NLRP5: variants seen among roughly 807,000 people sequenced by gnomAD.
NLRP5 encodes the protein NLR family pyrin domain containing 5, also known as NACHT, LRR and PYD domains-containing protein 5.
NLRP5 carries 93 observed loss-of-function variants against 113.1 expected under a neutral mutation model. The ratio of observed to expected loss-of-function variants is 0.82; its 90% CI spans 0.70 to 0.98. The LOEUF (loss-of-function observed/expected upper bound fraction) is 0.98. Among genes scored for constraint, NLRP5 ranks in the 50% least tolerant of loss-of-function variants. The pLI is 0.00. For missense variants in NLRP5, 1,808 were observed against 1,514.3 expected (o/e 1.19, Z -3.22); for synonymous variants, 751 against 600.7 (o/e 1.25, Z -3.66).
chr19:56,050,924 C>T (rs533154979), intron 12 of NLRP5, among the ~76,000 whole-genome samples: 1 of 152,132 alleles, frequency 6.6e-6, no homozygotes, highest in South Asian at 2.1e-4. Context: ...AATCTCTTTC[C>T]CTCTGGGGCT....
the NLRP5 span, chr19:55,987,738 C>A: frequency 1.8e-6 from 2 of 1,096,882 alleles, no homozygotes; most frequent in Non-Finnish European, 2.8e-6. Context: ...AGCATAGAGA[C>A]AAAATGCAAG....
chr19:56,001,191 GATGC>G (rs1431944864), intron 1 of NLRP5, among the ~76,000 whole-genome samples: 2 of 147,570 alleles, frequency 1.4e-5, no homozygotes, highest in East Asian at 4.0e-4. Context: ...CTGGTGCAGT[GATGC>G]AAGCCTGTGG....
At chr19:56,041,145 G>A (rs2123323685) in intron 11 of NLRP5, 53 bp downstream of exon 11, 4 of 1,572,948 alleles carry the variant, frequency 2.5e-6, no homozygotes, top group Non-Finnish European at 3.5e-6. Context: ...AACATAGCAT[G>A]GTGTAGCTCT....
intron 12 of NLRP5, among the ~76,000 whole-genome samples, chr19:56,052,469 C>T (rs1983968291): frequency 1.3e-5 from 2 of 152,088 alleles, no homozygotes; most frequent in East Asian, 3.9e-4. Context: ...GGGGTTTCAC[C>T]ATGTTGGTCA....
chr19:56,027,871 T>C lies in NLRP5; in HGVS notation c.1638T>C (p.Phe546=). 6.2e-7 allele frequency: 1 copy of C among 1,613,950 alleles called. No homozygotes were observed. Among genetic ancestry groups the C allele is most frequent in the Non-Finnish European group, 8.5e-7 (1 of 1,179,848 alleles). ...GAGTGTGGAATAGGAAGTCAGTGTT[T>C]GACGGTGACGACCTCATGGTTCAAG... Residue 546 remains phenylalanine, a synonymous_variant, in exon 7 of 15, where the codon TTT becomes TTC. Coordinates refer to ENST00000390649, the MANE Select transcript of NLRP5 (RefSeq NM_153447.4).
rs376736571 is a variant in NLRP5 at position 56,057,314 on chromosome 19, C to T, written c.3300-926C>T. ...CCAGCGTGCTCCCTTCAAAATAGAA[C>T]ACGCCTATAAAATGCCATTATTATA... On this transcript the variant is annotated intron_variant, in intron 13 of 14. Transcript: ENST00000390649. 4.7e-4 allele frequency among the ~76,000 whole-genome samples: 71 copies of T among 152,310 alleles called. 1 individual carries two copies. The East Asian group carries it at 9.8e-3, about 21-fold the overall frequency.
At chr19:56,057,404 A>T (rs1984196114) in intron 13 of NLRP5, among the ~76,000 whole-genome samples, 1 of 152,160 alleles carries the variant, frequency 6.6e-6, no homozygotes, top group East Asian at 1.9e-4. Flanking sequence ...AGTATGACCT[A>T]GGTGCCCAGC....
At chr19:56,018,029 T>C (rs990090425) in intron 4 of NLRP5, among the ~76,000 whole-genome samples, 1 of 152,172 alleles carries the variant, frequency 6.6e-6, no homozygotes, top group African/African-American at 2.4e-5. Flanking sequence ...ATATGACCCA[T>C]TTTTACACAG....
intron 13 of NLRP5, among the ~76,000 whole-genome samples, chr19:56,054,641 G>A (rs1307447528): frequency 6.6e-6 from 1 of 150,948 alleles, no homozygotes; most frequent in Non-Finnish European, 1.5e-5. Context: ...CTGAGTGAAA[G>A]AAGCCAGCCA....
At chr19:56,036,395 G>T (rs1053697561) in intron 9 of NLRP5, among the ~76,000 whole-genome samples, 1 of 151,938 alleles carries the variant, frequency 6.6e-6, no homozygotes, top group Non-Finnish European at 1.5e-5. Context: ...AACGACAGAT[G>T]CTTGATTCTG....
Position 56,026,998 on chromosome 19 carries a change from CACT to C in NLRP5, c.766_768del (p.Thr256del). 6.4e-7 allele frequency: 1 copy of C among 1,551,792 alleles called. No individual in the cohort carries two copies. Among genetic ancestry groups the C allele is most frequent in the Non-Finnish European group, 8.7e-7 (1 of 1,147,024 alleles). The stretch of plus-strand genomic sequence containing the variant: ...AGGATGTACGTCGTAGTTTTGAAAA[CACT>C]GCTGCTGACTGGCCGGAAATGCAAA... On this transcript the variant is annotated inframe_deletion, in exon 7 of 15. Transcript: ENST00000390649.
At chr19:55,993,942 T>G in the NLRP5 span, among the ~76,000 whole-genome samples, 2 of 151,918 alleles carry the variant, frequency 1.3e-5, no homozygotes, top group African/African-American at 2.4e-5. Context: ...AGTGGGGTGG[T>G]AAACATGAGA....
At chr19:56,010,234 G>C (rs757070789) in intron 3 of NLRP5, among the ~76,000 whole-genome samples, 1 of 152,132 alleles carries the variant, frequency 6.6e-6, no homozygotes, top group East Asian at 1.9e-4. Context: ...ACTGGCTGTC[G>C]TTAGTCATGC....
At position 56,028,262 on chromosome 19, in the gene NLRP5, A is replaced by G. The variant is rs534026942; in HGVS notation, c.2029A>G (p.Asn677Asp). The G allele has an allele frequency of 2.5e-6, 4 of 1,613,920 alleles. No individual in the cohort carries two copies. The highest frequency in any genetic ancestry group is 2.2e-5 in the East Asian group (1 of 44,876). The stretch of plus-strand genomic sequence containing the variant: ...GGTCTCTCTGTTGGGTCAGCAGCCT[A>G]ATGCCACCACCCCAGGAGACACCCT... Residue 677 changes from asparagine to aspartate, a missense_variant, in exon 7 of 15, where the codon AAT becomes GAT. By Grantham distance (23) the Asn-to-Asp change is conservative. Transcript: ENST00000390649.
At position 56,032,731 on chromosome 19, in the gene NLRP5, G is replaced by C; in HGVS notation, c.2397G>C (p.Lys799Asn). The C allele has an allele frequency of 6.2e-7, 1 of 1,613,000 alleles. No homozygotes were observed. Among genetic ancestry groups the C allele is most frequent in the Non-Finnish European group, 8.5e-7 (1 of 1,179,784 alleles). Reference sequence around the variant, plus strand: ...GCATCCTGACAGAGCGGGCCATGAAGACCCTGTGTGCCAAGCTGAGGCATC... The same window carrying C: ...GCATCCTGACAGAGCGGGCCATGAACACCCTGTGTGCCAAGCTGAGGCATC... The change falls in exon 8 of 15, where the codon AAG becomes AAC. Residue 799 changes from lysine to asparagine, a missense_variant. Coordinates refer to ENST00000390649, the MANE Select transcript of NLRP5 (RefSeq NM_153447.4).
In NLRP5 at chr19:56,050,468, C is replaced by A. The variant is rs182963698; in HGVS notation, c.3008C>A (p.Ala1003Glu). ...GCTGGCTGTGGTTTTCTTGCACTTG[C>A]GCTTATGGGTAACTCATGGCTGACG... The change falls in exon 12 of 15, where the codon GCG becomes GAG. Residue 1003 changes from alanine to glutamate, a missense_variant. Transcript: ENST00000390649. The A allele has an allele frequency of 5.6e-6, 9 of 1,613,700 alleles. No homozygotes were observed. Among genetic ancestry groups the A allele is most frequent in the Admixed American group, 3.3e-5 (2 of 59,974 alleles).
intron 11 of NLRP5, among the ~76,000 whole-genome samples, chr19:56,049,137 A>G (rs915291441): frequency 4.8e-5 from 7 of 146,464 alleles, no homozygotes; most frequent in African/African-American, 1.7e-4. Context: ...GTGTGCCGCC[A>G]CACCCAGCTA....
chr19:56,055,694 C>T (rs558335487), intron 13 of NLRP5, among the ~76,000 whole-genome samples: 68 of 151,364 alleles, frequency 4.5e-4, no homozygotes, highest in Middle Eastern at 3.4e-3. Flanking sequence ...TACAGGTGCC[C>T]GCCACCACGC....
chr19:55,990,058 C>T, the NLRP5 span, among the ~76,000 whole-genome samples: 2 of 142,056 alleles, frequency 1.4e-5, no homozygotes, highest in Non-Finnish European at 3.1e-5. Context: ...AAAGTCATGC[C>T]GTTTCTTTTT....
Sources: gnomAD v4.1 joint callset for allele counts (sites outside exome capture counted in the v4.1 genomes callset) on GRCh38, gnomAD v4.1.1 for gene constraint, MANE v1.5 for transcripts, NCBI Gene and HGNC (gene_info 2026-07-23, HGNC 2026-07-21) for gene names.